The following OPCML variants were observed in gnomAD, a reference collection of about 807,000 sequenced individuals.
OPCML encodes the protein opioid binding protein/cell adhesion molecule like.
Under a neutral mutation model 37.8 loss-of-function variants are expected in OPCML, and 13 were observed. The observed-to-expected ratio is 0.34, with a 90% CI of 0.22 to 0.55. OPCML has a LOEUF of 0.55. Among genes scored for constraint, OPCML ranks in the 20% least tolerant of loss-of-function variants. OPCML has a pLI of 0.91. For missense variants in OPCML, 341 were observed against 435.6 expected (o/e 0.78, Z 1.93); for synonymous variants, 176 against 168.8 (o/e 1.04, Z -0.33).
chr11:132,543,764 G>T (rs536806829), intron 3 of OPCML, among the ~76,000 whole-genome samples: 1 of 151,898 alleles, frequency 6.6e-6, no homozygotes, highest in Non-Finnish European at 1.5e-5. Context: ...ATACCGCCAC[G>T]TTTTTTCCCC....
chr11:133,390,187 G>A (rs1055516770), intron 1 of OPCML, among the ~76,000 whole-genome samples: 1 of 152,226 alleles, frequency 6.6e-6, no homozygotes, highest in African/African-American at 2.4e-5. Context: ...GGCCGAACGC[G>A]GTGGCTCACG....
chr11:132,617,350 A>G (rs1939100014), intron 3 of OPCML, among the ~76,000 whole-genome samples: 1 of 152,186 alleles, frequency 6.6e-6, no homozygotes. Context: ...ACACAATAAT[A>G]GGGCCAGGGA....
At chr11:133,362,177 G>A (rs150367372) in intron 1 of OPCML, 4 of 152,434 alleles carry the variant, frequency 2.6e-5, no homozygotes, top group Admixed American at 2.6e-4. Flanking sequence ...AATAGAAGGT[G>A]GTGTGACTTG....
intron 2 of OPCML, among the ~76,000 whole-genome samples, chr11:132,735,363 G>A (rs1370155349): frequency 6.6e-6 from 1 of 152,066 alleles, no homozygotes; most frequent in African/African-American, 2.4e-5. Context: ...GTTTGTCTAA[G>A]GGCAGAAACC....
At position 133,128,902 on chromosome 11, in the gene OPCML, G is replaced by A. The variant is rs536752141; in HGVS notation, c.62-185892C>T. On this transcript the variant is annotated intron_variant, in intron 1 of 7. Transcript: ENST00000524381. Reference sequence around the variant, plus strand: ...GGCTTCTGCTTCTGGCCAAAGTGCAGTAACAGGGACCAGTTTTGCCCTCCT... The same window carrying A: ...GGCTTCTGCTTCTGGCCAAAGTGCAATAACAGGGACCAGTTTTGCCCTCCT... 2.0e-4 allele frequency among the ~76,000 whole-genome samples: 31 copies of A among 152,268 alleles called. No homozygotes were observed. The South Asian group carries it at 4.6e-3, about 22-fold the overall frequency.
chr11:133,199,267 C>T (rs79707688), intron 1 of OPCML, among the ~76,000 whole-genome samples: 2,339 of 152,144 alleles, frequency 0.015, 58 homozygotes, highest in African/African-American at 0.053. Flanking sequence ...TAGTTTCTTG[C>T]TTAAAATTAG....
intron 3 of OPCML, among the ~76,000 whole-genome samples, chr11:132,592,878 C>T (rs539050510): frequency 6.6e-6 from 1 of 152,186 alleles, no homozygotes; most frequent in African/African-American, 2.4e-5. Flanking sequence ...CTCATTTATT[C>T]ATCTAACAGT....
intron 1 of OPCML, among the ~76,000 whole-genome samples, chr11:133,012,870 CAAAAAAAAA>C (rs11456619): frequency 5.3e-5 from 6 of 113,248 alleles, no homozygotes; most frequent in Non-Finnish European, 1.1e-4. Flanking sequence ...AACTCCATCT[CAAAAAAAAA>C]AAAAAAAAGA....
intron 1 of OPCML, among the ~76,000 whole-genome samples, chr11:133,040,912 A>G (rs1410730321): frequency 1.3e-5 from 2 of 152,188 alleles, no homozygotes; most frequent in African/African-American, 2.4e-5. Flanking sequence ...CATAATACAA[A>G]GAGCTGAATG....
chr11:132,914,813 G>A (rs1252841752), intron 2 of OPCML, among the ~76,000 whole-genome samples: 2 of 152,208 alleles, frequency 1.3e-5, no homozygotes, highest in African/African-American at 4.8e-5. Flanking sequence ...AAGTGTTGCA[G>A]CAGAATTCCA....
intron 1 of OPCML, among the ~76,000 whole-genome samples, chr11:133,181,009 T>C (rs533862379): frequency 9.2e-5 from 14 of 152,160 alleles, no homozygotes; most frequent in Non-Finnish European, 2.1e-4. Flanking sequence ...ACAACCAAGC[T>C]AAATCTCAAA....
intron 1 of OPCML, among the ~76,000 whole-genome samples, chr11:133,163,044 G>A (rs1198058906): frequency 1.3e-5 from 2 of 152,216 alleles, no homozygotes; most frequent in Non-Finnish European, 2.9e-5. Context: ...CATAGGTAGT[G>A]TGTCTGAAAA....
chr11:132,430,450 T>C (rs996102811), intron 7 of OPCML, among the ~76,000 whole-genome samples: 4 of 152,118 alleles, frequency 2.6e-5, no homozygotes, highest in African/African-American at 7.2e-5. Context: ...CAGTCTGATA[T>C]GTATATTTAT....
intron 1 of OPCML, among the ~76,000 whole-genome samples, chr11:133,204,886 A>ATATATATATGTGTG (rs1555114222): frequency 1.2e-4 from 5 of 42,602 alleles, no homozygotes; most frequent in African/African-American, 2.6e-4. Context: ...ATATATATAT[A>ATATATATATGTGTG]TATATATATA....
intron 1 of OPCML, among the ~76,000 whole-genome samples, chr11:133,145,652 G>A (rs1346181892): frequency 2.0e-5 from 3 of 152,212 alleles, no homozygotes; most frequent in Non-Finnish European, 4.4e-5. Context: ...AACCCTTACG[G>A]CAGTACATAA....
chr11:132,782,917 G>GTGTATATA lies in OPCML; in HGVS notation c.147-125599_147-125598insTATATACA, dbSNP rs376141259. ...AATATGTAATATATATATAGTGTGT[G>GTGTATATA]TATATATATATATATATATATATAT... is the stretch of plus-strand genomic sequence containing the variant. On this transcript the variant is annotated intron_variant, in intron 2 of 7. Transcript: ENST00000524381. 9.0e-3 allele frequency among the ~76,000 whole-genome samples: 1,125 copies of GTGTATATA among 125,016 alleles called. 13 individuals carry two copies. The highest frequency in any genetic ancestry group is 0.03 in the African/African-American group (1,014 of 34,362). 82.0% of individuals were successfully genotyped at this position (125,016 alleles called of 152,430 possible). A position where few individuals can be genotyped will look rare whatever the true frequency, so the allele number is the denominator to read the frequency against.
intron 1 of OPCML, among the ~76,000 whole-genome samples, chr11:133,012,647 G>T (rs1306093171): frequency 3.9e-5 from 6 of 152,054 alleles, no homozygotes; most frequent in Non-Finnish European, 8.8e-5. Flanking sequence ...AGGCCGAGGT[G>T]GGTGGATCAC....
intron 4 of OPCML, chr11:132,525,925 G>A (rs188932444): frequency 2.0e-5 from 3 of 152,222 alleles, no homozygotes; most frequent in South Asian, 4.2e-4. Flanking sequence ...GAGAGGGAAG[G>A]GGGAAGACAA....
At chr11:132,420,364 A>G in intron 7 of OPCML, 71 bp from the exon 8 acceptor site, 1 of 1,580,272 alleles carries the variant, frequency 6.3e-7, no homozygotes, top group Non-Finnish European at 8.6e-7. Context: ...CCTGACAAGC[A>G]AATACACATA....
Sources: gnomAD v4.1 joint callset for allele counts (sites outside exome capture counted in the v4.1 genomes callset) on GRCh38, gnomAD v4.1.1 for gene constraint, MANE v1.5 for transcripts, NCBI Gene and HGNC (gene_info 2026-07-23, HGNC 2026-07-21) for gene names.